Variants in TENM4 observed in about 807,000 individuals in gnomAD.
TENM4 encodes the protein teneurin-4.
Under a neutral mutation model 243.3 loss-of-function variants are expected in TENM4, and 82 were observed. The observed-to-expected ratio is 0.34, with a 90% confidence interval of 0.28 to 0.40. The LOEUF is 0.40. Ranked by LOEUF, TENM4 falls within the 10% of genes least tolerant of loss-of-function variation. TENM4 has a pLI of 1.00. For missense variants in TENM4, 3,138 were observed against 3,673.3 expected (o/e 0.85, Z 3.77); for synonymous variants, 1,412 against 1,456.3 (o/e 0.97, Z 0.69).
rs73502629 is a variant in TENM4 at position 78,965,289 on chromosome 11, A to G, written c.494-61766T>C. On this transcript the variant is annotated intron_variant, in intron 6 of 33. Coordinates refer to ENST00000278550, the MANE Select transcript of TENM4 (RefSeq NM_001098816.3). ...GGTGGTTAGTGTTCACCAAATATCT[A>G]TTAAAGGTAACAAAACCGCCCCACC... 2.5e-3 allele frequency among the ~76,000 whole-genome samples: 386 copies of G among 152,286 alleles called. 1 individual carries two copies. The highest frequency in any genetic ancestry group is 8.8e-3 in the African/African-American group (364 of 41,564).
intron 6 of TENM4, among the ~76,000 whole-genome samples, chr11:78,925,966 A>AC (rs1236584462): frequency 6.6e-6 from 1 of 151,386 alleles, no homozygotes; most frequent in African/African-American, 2.4e-5. Flanking sequence ...TAAAAAAAAA[A>AC]AACAACCCCA....
At chr11:78,885,775 A>G (rs1377819115) in intron 9 of TENM4, among the ~76,000 whole-genome samples, 1 of 152,198 alleles carries the variant, frequency 6.6e-6, no homozygotes, top group East Asian at 1.9e-4. Context: ...AAATTTAAAA[A>G]GTAGCCAGGT....
intron 9 of TENM4, among the ~76,000 whole-genome samples, chr11:78,871,144 C>T (rs1055106072): frequency 3.3e-5 from 5 of 152,182 alleles, no homozygotes; most frequent in Admixed American, 6.5e-5. Context: ...CCTCTGGAGC[C>T]AGAGAGACCT....
rs530357450 is a variant in TENM4 at position 79,418,540 on chromosome 11, C to G, written c.-321+21969G>C. On this transcript the variant is annotated intron_variant, in intron 1 of 33. Coordinates refer to ENST00000278550, the MANE Select transcript of TENM4 (RefSeq NM_001098816.3). ...ATCTATTCTCCCTCATATGGCTCCA[C>G]CACCCAACACAACATCCTCTGCTCT... Among the ~76,000 whole-genome samples, 4 of 152,346 alleles carry G rather than the reference C, an allele frequency of 2.6e-5. No individual in the cohort carries two copies. The East Asian group carries it at 7.7e-4, about 29-fold the overall frequency.
intron 23 of TENM4, 129 bp downstream of exon 23, chr11:78,725,950 G>T: frequency 7.9e-7 from 1 of 1,270,594 alleles, no homozygotes; most frequent in Non-Finnish European, 1.1e-6. Context: ...AATATCTGTT[G>T]ACTGAGCTCT....
In TENM4 at chr11:78,672,336, A is replaced by G. The variant is rs1409027277; in HGVS notation, c.5497-7T>C. On this transcript the variant is annotated splice_region_variant and splice_polypyrimidine_tract_variant and intron_variant, in intron 30 of 33. Transcript: ENST00000278550. ...GGAGATTTCGGTTGTGAACCTGGAG[A>G]AAGGGTTGGAAGGAAAGAGAAAATT... 1 of 1,604,056 alleles carries G rather than the reference A, an allele frequency of 6.2e-7. No individual in the cohort carries two copies. The highest frequency in any genetic ancestry group is 8.5e-7 in the Non-Finnish European group (1 of 1,172,242).
intron 1 of TENM4, among the ~76,000 whole-genome samples, chr11:79,431,600 C>T (rs145876803): frequency 5.9e-4 from 90 of 152,324 alleles, no homozygotes; most frequent in Middle Eastern, 3.4e-3. Context: ...TCCCAGCACC[C>T]TCTCCAGGAT....
At chr11:79,170,904 G>C (rs1863025615) in intron 3 of TENM4, among the ~76,000 whole-genome samples, 1 of 152,150 alleles carries the variant, frequency 6.6e-6, no homozygotes, top group Non-Finnish European at 1.5e-5. Flanking sequence ...GGACAAGGTG[G>C]GGAAGAGGAA....
chr11:78,827,843 C>G (rs766192271), intron 12 of TENM4, among the ~76,000 whole-genome samples: 31 of 152,196 alleles, frequency 2.0e-4, no homozygotes, highest in Non-Finnish European at 2.6e-4. Flanking sequence ...CTCTTCCTAG[C>G]AAGATAGAGC....
intron 2 of TENM4, among the ~76,000 whole-genome samples, chr11:79,275,006 T>G (rs941694914): frequency 2.6e-5 from 4 of 152,148 alleles, no homozygotes; most frequent in Non-Finnish European, 5.9e-5. Context: ...ATCCAGAACA[T>G]CTCTGCTTTT....
At chr11:79,282,431 C>A (rs566098722) in intron 2 of TENM4, among the ~76,000 whole-genome samples, 3 of 152,180 alleles carry the variant, frequency 2.0e-5, no homozygotes. Context: ...GGCCACAATT[C>A]AAAACTCTCT....
intron 6 of TENM4, among the ~76,000 whole-genome samples, chr11:78,916,432 A>G (rs1277455568): frequency 6.6e-6 from 1 of 152,170 alleles, no homozygotes; most frequent in Non-Finnish European, 1.5e-5. Flanking sequence ...TTGCTTTTCC[A>G]CTTAGTGCTT....
chr11:78,919,433 A>C, intron 6 of TENM4, among the ~76,000 whole-genome samples: 1 of 151,984 alleles, frequency 6.6e-6, no homozygotes. Context: ...ATCAAACTCC[A>C]TGCTCAGCAC....
intron 2 of TENM4, among the ~76,000 whole-genome samples, chr11:79,277,472 G>C (rs1359758997): frequency 6.6e-6 from 1 of 152,198 alleles, no homozygotes; most frequent in Admixed American, 6.5e-5. Context: ...CCCTGACAAT[G>C]TCTAATCAAC....
At chr11:78,968,748 G>A (rs557487365) in intron 6 of TENM4, among the ~76,000 whole-genome samples, 1 of 152,324 alleles carries the variant, frequency 6.6e-6, no homozygotes, top group East Asian at 1.9e-4. Context: ...GAGAAGTGAA[G>A]TAAATTGTCT....
intron 22 of TENM4, among the ~76,000 whole-genome samples, chr11:78,726,820 C>T (rs1855522907): frequency 6.6e-6 from 1 of 152,196 alleles, no homozygotes; most frequent in Non-Finnish European, 1.5e-5. Context: ...CAGATGCTGC[C>T]AGGCTTCCTG....
rs1555068584 is a variant in TENM4 at position 78,708,984 on chromosome 11, T to TA, written c.4055-470dup. Among the ~76,000 whole-genome samples, 1,411 of 145,292 alleles carry TA rather than the reference T, an allele frequency of 9.7e-3. 19 individuals carry two copies. The highest frequency in any genetic ancestry group is 0.035 in the African/African-American group (1,287 of 37,264). On this transcript the variant is annotated intron_variant, in intron 26 of 33. Coordinates refer to ENST00000278550, the MANE Select transcript of TENM4 (RefSeq NM_001098816.3). ...CTTTTTCTTTCTTTTTTTTTTTTTTTAAAAAAAGAGTCTCGTTCTGTCACC... is the reference window on the plus strand; with the variant it reads ...CTTTTTCTTTCTTTTTTTTTTTTTTTAAAAAAAAGAGTCTCGTTCTGTCACC...
chr11:78,860,620 C>T, intron 10 of TENM4, among the ~76,000 whole-genome samples: 1 of 152,260 alleles, frequency 6.6e-6, no homozygotes, highest in South Asian at 2.1e-4. Flanking sequence ...GAAAAACATA[C>T]ACTGAGTAGA....
chr11:79,439,211 A>G (rs948554528), intron 1 of TENM4: 3 of 148,096 alleles, frequency 2.0e-5, no homozygotes, highest in Non-Finnish European at 4.5e-5. Context: ...CGTGTGCTAC[A>G]AACACCAAGC....
Sources: gnomAD v4.1 joint callset for allele counts (sites outside exome capture counted in the v4.1 genomes callset) on GRCh38, gnomAD v4.1.1 for gene constraint, MANE v1.5 for transcripts, NCBI Gene and HGNC (gene_info 2026-07-23, HGNC 2026-07-21) for gene names.